SLC44A5: variants seen among roughly 807,000 people sequenced by gnomAD.
The protein encoded by SLC44A5 is choline transporter-like protein 5.
SLC44A5 carries 57 observed loss-of-function variants against 101.8 expected under a neutral mutation model. The observed-to-expected ratio is 0.56, with a 90% confidence interval of 0.45 to 0.70. SLC44A5 has a LOEUF of 0.70. Ranked by LOEUF, SLC44A5 falls within the 30% of genes least tolerant of loss-of-function variation. The pLI is 0.00. For missense variants in SLC44A5, 737 were observed against 853.1 expected, an observed-to-expected ratio of 0.86 and a Z score of 1.70; for synonymous variants, 281 against 290.9, an observed-to-expected ratio of 0.97 and a Z score of 0.35.
chr1:75,393,036 A>C (rs1661895767), intron 3 of SLC44A5, among the ~76,000 whole-genome samples: 1 of 152,154 alleles, frequency 6.6e-6, no homozygotes, highest in African/African-American at 2.4e-5. Flanking sequence ...GTTGAAAATC[A>C]ACCTATTGGG....
At chr1:75,258,403 T>C (rs1179565435) in intron 6 of SLC44A5, among the ~76,000 whole-genome samples, 1 of 151,700 alleles carries the variant, frequency 6.6e-6, no homozygotes, top group African/African-American at 2.4e-5. Flanking sequence ...TTTTACAAAG[T>C]CGTTGGGAAG....
the SLC44A5 span, among the ~76,000 whole-genome samples, chr1:75,713,210 T>G: frequency 6.6e-6 from 1 of 152,216 alleles, no homozygotes; most frequent in Non-Finnish European, 1.5e-5. Flanking sequence ...GGAGACAGTG[T>G]ATATTGATAT....
chr1:75,414,506 G>T (rs1418097816), intron 2 of SLC44A5, among the ~76,000 whole-genome samples: 2 of 152,134 alleles, frequency 1.3e-5, no homozygotes, highest in Admixed American at 6.6e-5. Context: ...CATAGGCTCT[G>T]CTCTCATGGA....
intron 7 of SLC44A5, among the ~76,000 whole-genome samples, chr1:75,247,255 T>TGA (rs1299156558): frequency 1.3e-5 from 2 of 151,862 alleles, no homozygotes; most frequent in East Asian, 1.9e-4. Flanking sequence ...AACATGGGTA[T>TGA]GAGAGAGAGA....
At chr1:75,581,469 C>A (rs1402134278) in intron 1 of SLC44A5, among the ~76,000 whole-genome samples, 1 of 152,064 alleles carries the variant, frequency 6.6e-6, no homozygotes, top group Admixed American at 6.6e-5. Flanking sequence ...CTATTAGGAC[C>A]AACAATTGTT....
chr1:75,222,114 G>A lies in SLC44A5; in HGVS notation c.1085+247C>T, dbSNP rs140393086. The stretch of plus-strand genomic sequence containing the variant: ...GCTGGTTACAGGCATGCGCCACCAC[G>A]CCCGGCTAATTTTGTATCTTTAGTA... On this transcript the variant is annotated intron_variant, in intron 14 of 23. Transcript: ENST00000370859. Among the ~76,000 whole-genome samples the A allele has an allele frequency of 8.3e-3, 1,264 of 151,886 alleles. 21 individuals carry two copies. Among genetic ancestry groups the A allele is most frequent in the African/African-American group, 0.029 (1,198 of 41,432 alleles).
chr1:75,218,016 T>A, intron 17 of SLC44A5, 56 bp from the exon 18 acceptor site: 7 of 1,149,428 alleles, frequency 6.1e-6, no homozygotes, highest in Non-Finnish European at 9.0e-6. Flanking sequence ...TTTAAGGGGA[T>A]GCTAATTGAA....
intron 6 of SLC44A5, among the ~76,000 whole-genome samples, chr1:75,259,571 G>T (rs1650312178): frequency 6.6e-6 from 1 of 152,164 alleles, no homozygotes; most frequent in Non-Finnish European, 1.5e-5. Flanking sequence ...ACCTGAAAGT[G>T]ACAGGGAGAA....
the SLC44A5 span, among the ~76,000 whole-genome samples, chr1:75,701,689 T>C: frequency 6.6e-6 from 1 of 152,172 alleles, no homozygotes; most frequent in Non-Finnish European, 1.5e-5. Context: ...ATAAAGGGCA[T>C]TCAATTAGGA....
At chr1:75,659,489 G>GAAGGAAGGAAGGAAGGAAGGAAGAAAGA in the SLC44A5 span, among the ~76,000 whole-genome samples, 3 of 61,416 alleles carry the variant, frequency 4.9e-5, no homozygotes, top group South Asian at 4.9e-4. Flanking sequence ...AGGAAGGAAG[G>GAAGGAAGGAAGGAAGGAAGGAAGAAAGA]AAGGCAGGCA....
the SLC44A5 span, among the ~76,000 whole-genome samples, chr1:75,701,187 T>G: frequency 6.6e-6 from 1 of 152,094 alleles, no homozygotes; most frequent in Non-Finnish European, 1.5e-5. Flanking sequence ...TACCAAAGCC[T>G]GGCAGAGACA....
the SLC44A5 span, among the ~76,000 whole-genome samples, chr1:75,670,660 T>C: frequency 6.6e-6 from 1 of 152,066 alleles, no homozygotes; most frequent in African/African-American, 2.4e-5. Flanking sequence ...TAGGAGAAAA[T>C]ACAGAATTGG....
At chr1:75,512,525 C>T (rs1047114790) in intron 2 of SLC44A5, among the ~76,000 whole-genome samples, 1 of 152,158 alleles carries the variant, frequency 6.6e-6, no homozygotes, top group Non-Finnish European at 1.5e-5. Context: ...ATCCAACAAT[C>T]ATTCAACAAT....
intron 2 of SLC44A5, among the ~76,000 whole-genome samples, chr1:75,473,719 T>C (rs1333139497): frequency 6.6e-6 from 1 of 152,226 alleles, no homozygotes; most frequent in Non-Finnish European, 1.5e-5. Context: ...CAAGTGCTTT[T>C]TCTTGACTCT....
chr1:75,479,281 T>C lies in SLC44A5; in HGVS notation c.13+62154A>G, dbSNP rs1667658319. The stretch of plus-strand genomic sequence containing the variant: ...GTAGCGGGAAACTTATAGCACTAAA[T>C]GCCCACAAGAGAAAGCAGGAAAGAT... On this transcript the variant is annotated intron_variant, in intron 2 of 23. Coordinates refer to ENST00000370859, the MANE Select transcript of SLC44A5 (RefSeq NM_001130058.2). Among the ~76,000 whole-genome samples, 3 of 152,296 alleles carry C rather than the reference T, an allele frequency of 2.0e-5. No individual in the cohort carries two copies. The South Asian group carries it at 6.2e-4, about 32-fold the overall frequency.
At chr1:75,693,047 C>T in the SLC44A5 span, among the ~76,000 whole-genome samples, 1 of 152,070 alleles carries the variant, frequency 6.6e-6, no homozygotes, top group Non-Finnish European at 1.5e-5. Flanking sequence ...GAAGTGAGGA[C>T]ATGAAGGGGT....
At chr1:75,286,858 T>G (rs187636836) in intron 5 of SLC44A5, among the ~76,000 whole-genome samples, 1 of 152,322 alleles carries the variant, frequency 6.6e-6, no homozygotes, top group African/African-American at 2.4e-5. Flanking sequence ...GGTTACCTGA[T>G]GCTTTTGCCT....
chr1:75,429,424 T>C (rs913004522), intron 2 of SLC44A5, among the ~76,000 whole-genome samples: 4 of 152,220 alleles, frequency 2.6e-5, no homozygotes, highest in African/African-American at 7.2e-5. Flanking sequence ...GTTAAGACTA[T>C]GTACAAAAGT....
intron 13 of SLC44A5, among the ~76,000 whole-genome samples, chr1:75,225,357 A>G (rs1369044484): frequency 6.6e-6 from 1 of 152,192 alleles, no homozygotes; most frequent in Non-Finnish European, 1.5e-5. Context: ...TGTTTACACA[A>G]TGAAAAAATT....
Sources: allele counts gnomAD v4.1 joint callset (sites outside exome capture counted in the v4.1 genomes callset), GRCh38; gene constraint gnomAD v4.1.1; transcripts MANE v1.5; gene names NCBI Gene and HGNC (gene_info 2026-07-23, HGNC 2026-07-21).